CEACAM4: variants seen among roughly 807,000 people sequenced by gnomAD.
CEACAM4 encodes CEA cell adhesion molecule 4, also known as cell adhesion molecule CEACAM4.
In CEACAM4, 30 loss-of-function variants were observed where a neutral mutation model predicts 28.7. That is an observed-to-expected ratio of 1.05 (90% CI 0.78 to 1.42). CEACAM4 has a LOEUF of 1.42. CEACAM4 is among the 40% of genes most tolerant of loss of function. The probability of loss-of-function intolerance (pLI) is 0.00; values close to 1 mark genes in which losing one functional copy is unlikely to be tolerated. For missense variants in CEACAM4, 330 were observed against 308.2 expected, an observed-to-expected ratio of 1.07 and a Z score of -0.53; for synonymous variants, 143 against 126.5, an observed-to-expected ratio of 1.13 and a Z score of -0.87.
At position 41,622,924 on chromosome 19, in the gene CEACAM4, T is replaced by C. The variant is rs74588546; in HGVS notation, c.425-1156A>G. 3.8e-4 allele frequency among the ~76,000 whole-genome samples: 58 copies of C among 152,318 alleles called. No homozygotes were observed. The East Asian group carries it at 7.3e-3, about 19-fold the overall frequency. On this transcript the variant is annotated intron_variant, in intron 2 of 6. Transcript: ENST00000221954. Reference sequence around the variant, plus strand: ...TATAGTAGCTGTTGTTATTCTTTCTTAGCCTGTCCATCTCTCTGCTCACAG... The same window carrying C: ...TATAGTAGCTGTTGTTATTCTTTCTCAGCCTGTCCATCTCTCTGCTCACAG...
intron 4 of CEACAM4, 75 bp from the exon 5 acceptor site, chr19:41,620,317 C>G (rs555283280): frequency 6.2e-6 from 8 of 1,285,674 alleles, no homozygotes; most frequent in Non-Finnish European, 8.3e-6. Context: ...GTGTAGGGGT[C>G]CTCAGCTCCC....
chr19:41,622,358 A>T (rs1376010270), intron 2 of CEACAM4, among the ~76,000 whole-genome samples: 1 of 152,164 alleles, frequency 6.6e-6, no homozygotes, highest in Non-Finnish European at 1.5e-5. Context: ...GATTACAGGC[A>T]TGAGCCACTG....
At chr19:41,623,057 C>T (rs1555802325) in intron 2 of CEACAM4, among the ~76,000 whole-genome samples, 6 of 152,202 alleles carry the variant, frequency 3.9e-5, no homozygotes. Context: ...CGCTCTGTTG[C>T]CCAGGCTGGA....
At chr19:41,622,914 T>G (rs2071395970) in intron 2 of CEACAM4, among the ~76,000 whole-genome samples, 1 of 151,882 alleles carries the variant, frequency 6.6e-6, no homozygotes, top group African/African-American at 2.4e-5. Context: ...TAGCTGTTGT[T>G]ATTCTTTCTT....
downstream of CEACAM4, among the ~76,000 whole-genome samples, chr19:41,617,996 G>A (rs560329222): frequency 2.2e-5 from 2 of 91,906 alleles, no homozygotes; most frequent in Non-Finnish European, 5.6e-5. Flanking sequence ...ATCTCAGGAC[G>A]AACAACCTGT....
At chr19:41,616,087 T>C (rs1004992228), downstream of CEACAM4, among the ~76,000 whole-genome samples, 4 of 152,104 alleles carry the variant, frequency 2.6e-5, no homozygotes, top group Non-Finnish European at 5.9e-5. Context: ...TGGAGTGCAG[T>C]GGTGCGATCT....
rs561255139 is a variant in CEACAM4, at chr19:41,619,130, C to T, written c.*200G>A. Reference sequence around the variant, plus strand: ...CTGTGGTGATGAGAGGCCTTTGTCCCGGCCCACCCAGAGCCCAGGGCAACC... The same window carrying T: ...CTGTGGTGATGAGAGGCCTTTGTCCTGGCCCACCCAGAGCCCAGGGCAACC... On this transcript the variant is annotated 3_prime_UTR_variant, in exon 7 of 7. Coordinates refer to ENST00000221954, the MANE Select transcript of CEACAM4 (RefSeq NM_001817.4). 25 of 581,232 alleles carry T rather than the reference C, an allele frequency of 4.3e-5. No individual in the cohort carries two copies. The highest frequency in any genetic ancestry group is 2.6e-4 in the African/African-American group (14 of 53,226). 36.0% of individuals were successfully genotyped at this position (581,232 alleles called of 1,614,324 possible).
intron 3 of CEACAM4, 73 bp downstream of exon 3, chr19:41,621,578 A>C: frequency 1.3e-6 from 1 of 772,502 alleles, no homozygotes; most frequent in South Asian, 1.6e-5. Context: ...CCCTGAATAC[A>C]GGGCGGGGTC....
chr19:41,618,656 A>G (rs1342473564), downstream of CEACAM4, among the ~76,000 whole-genome samples: 1 of 152,106 alleles, frequency 6.6e-6, no homozygotes, highest in Non-Finnish European at 1.5e-5. Context: ...TATACCACCC[A>G]TGGTTGCTCC....
rs140120541 is a variant in CEACAM4 at position 41,626,957 on chromosome 19, G to A, written c.7C>T (p.Pro3Ser). The change falls in exon 1 of 7, where the codon CCC becomes TCC. Residue 3 changes from proline to serine, a missense_variant. Transcript: ENST00000221954. MG[P>S]PSAAPRGGHR... is the part of the protein sequence containing the mutation. ...CCTCCACGGGGAGCGGCTGAGGGGG[G>A]GCCCATGGTCTCTGCTGCCTGCTTG... 25 of 1,604,418 alleles carry A rather than the reference G, an allele frequency of 1.6e-5. No individual in the cohort carries two copies. Among genetic ancestry groups the A allele is most frequent in the South Asian group, 4.4e-5 (4 of 90,300 alleles).
chr19:41,619,385 T>G lies in CEACAM4; in HGVS notation c.680A>C (p.Tyr227Ser). The G allele has an allele frequency of 6.2e-7, 1 of 1,613,862 alleles. No homozygotes were observed. The highest frequency in any genetic ancestry group is 8.5e-7 in the Non-Finnish European group (1 of 1,179,830). The change falls in exon 7 of 7, where the codon TAC becomes TCC. Residue 227 changes from tyrosine to serine, a missense_variant. Transcript: ENST00000221954. ...CTGGCAGTAAATGTTTGCATCAGAG[T>G]ATAGCAATTCCTGTAAAAACAGAGA... is the stretch of plus-strand genomic sequence containing the variant. ...TATPIYEELL[Y>S]SDANIYCQID...
chr19:41,626,982 G>T lies in CEACAM4; in HGVS notation c.-19C>A. 1 of 1,592,940 alleles carries T rather than the reference G, an allele frequency of 6.3e-7. No individual in the cohort carries two copies. The highest frequency in any genetic ancestry group is 8.5e-7 in the Non-Finnish European group (1 of 1,170,000). On this transcript the variant is annotated 5_prime_UTR_variant, in exon 1 of 7. Transcript: ENST00000221954. ...GGCCCATGGTCTCTGCTGCCTGCTT[G>T]TCCTCTGTGGAGAGGAGCTGGGCTC...
Position 41,620,210 on chromosome 19 carries a change from C to T in CEACAM4, c.627+1G>A. 6.7e-7 allele frequency: 1 copy of T among 1,491,496 alleles called. No individual in the cohort carries two copies. The allele number at this position is 1,491,496 out of a possible 1,614,324, so 92.4% of individuals were successfully genotyped here. On this transcript the variant is annotated splice_donor_variant, in intron 5 of 6. Coordinates refer to ENST00000221954, the MANE Select transcript of CEACAM4 (RefSeq NM_001817.4). LOFTEE classifies it high-confidence loss of function. Reference sequence around the variant, plus strand: ...AAGGGCTGGGGAGGGAACAGGCTTACCGAGAAGGTGGATCTGTGAGAGGGA... The same window carrying T: ...AAGGGCTGGGGAGGGAACAGGCTTATCGAGAAGGTGGATCTGTGAGAGGGA...
In CEACAM4 at chr19:41,620,498, C is replaced by G. The variant is rs782520316; in HGVS notation, c.595+77G>C. 133 of 1,303,362 alleles carry G rather than the reference C, an allele frequency of 1.0e-4. 2 individuals are homozygous for G. The Middle Eastern group carries it at 4.4e-3, about 43-fold the overall frequency. 80.7% of individuals were successfully genotyped at this position (1,303,362 alleles called of 1,614,324 possible). A position where few individuals can be genotyped will look rare whatever the true frequency, so the allele number is the denominator to read the frequency against. On this transcript the variant is annotated intron_variant, in intron 4 of 6. Transcript: ENST00000221954. Reference sequence around the variant, plus strand: ...GCCCCAAAGAAAGGGTCAGAGGCCCCCAGGGGGTGACTGGCAGGAGTGGAC... The same window carrying G: ...GCCCCAAAGAAAGGGTCAGAGGCCCGCAGGGGGTGACTGGCAGGAGTGGAC...
intron 2 of CEACAM4, 93 bp downstream of exon 2, chr19:41,625,508 G>A (rs2071579501): frequency 7.0e-7 from 1 of 1,430,404 alleles, no homozygotes; most frequent in African/African-American, 1.4e-5. Context: ...ACAAAATGCA[G>A]AGGGGGATGC....
At position 41,619,518 on chromosome 19, in the gene CEACAM4, C is replaced by T. The variant is rs542887863; in HGVS notation, c.670-123G>A. 363 of 1,556,948 alleles carry T rather than the reference C, an allele frequency of 2.3e-4. 3 individuals are homozygous for T. The African/African-American group carries it at 4.6e-3, about 20-fold the overall frequency. On this transcript the variant is annotated intron_variant, in intron 6 of 6. Coordinates refer to ENST00000221954, the MANE Select transcript of CEACAM4 (RefSeq NM_001817.4). Reference sequence around the variant, plus strand: ...TGAACCTGGCTGTGCTCAGGGGGTCCCTGTTCCCAGGCCCCTCCCTCCTCT... The same window carrying T: ...TGAACCTGGCTGTGCTCAGGGGGTCTCTGTTCCCAGGCCCCTCCCTCCTCT...
At chr19:41,613,528 C>T in the CEACAM4 span, among the ~76,000 whole-genome samples, 2 of 151,930 alleles carry the variant, frequency 1.3e-5, no homozygotes, top group Admixed American at 6.6e-5. Flanking sequence ...CATACACCCA[C>T]ACCCACACAC....
downstream of CEACAM4, among the ~76,000 whole-genome samples, chr19:41,617,822 A>G (rs374198621): frequency 6.6e-6 from 1 of 152,318 alleles, no homozygotes; most frequent in Admixed American, 6.5e-5. Flanking sequence ...TTTCTATGTC[A>G]CTAAGCTTGT....
At chr19:41,624,797 A>G (rs1465267273) in intron 2 of CEACAM4, among the ~76,000 whole-genome samples, 1 of 152,216 alleles carries the variant, frequency 6.6e-6, no homozygotes, top group Non-Finnish European at 1.5e-5. Context: ...TTTGTCTGTG[A>G]ATGAACTTTA....
Sources: gnomAD v4.1 joint callset for allele counts (sites outside exome capture counted in the v4.1 genomes callset) on GRCh38, gnomAD v4.1.1 for gene constraint, MANE v1.5 for transcripts, NCBI Gene and HGNC (gene_info 2026-07-23, HGNC 2026-07-21) for gene names.